The following PPME1 variants were observed in gnomAD, a reference collection of about 807,000 sequenced individuals.
PPME1 encodes protein phosphatase methylesterase 1.
A neutral mutation model predicts 56.9 loss-of-function variants in PPME1; 17 were observed. The observed-to-expected ratio is 0.30, with a 90% CI of 0.20 to 0.45. The LOEUF is 0.45. Ranked by LOEUF, PPME1 falls within the 20% of genes least tolerant of loss-of-function variation. The probability of loss-of-function intolerance (pLI) is 1.00; values close to 1 mark genes in which losing one functional copy is unlikely to be tolerated. For synonymous variants in PPME1, 122 were observed against 156.2 expected, an observed-to-expected ratio of 0.78 and a Z score of 1.63; for missense variants, 357 against 483.2, an observed-to-expected ratio of 0.74 and a Z score of 2.45.
At chr11:74,246,884 A>G (rs1859517378) in intron 10 of PPME1, among the ~76,000 whole-genome samples, 195 bp from the exon 11 acceptor site, 1 of 152,232 alleles carries the variant, frequency 6.6e-6, no homozygotes, top group Non-Finnish European at 1.5e-5. Flanking sequence ...CCTTGTTTTC[A>G]GAACCAGTTT....
intron 1 of PPME1, among the ~76,000 whole-genome samples, chr11:74,193,322 T>G (rs1357864956): frequency 1.3e-5 from 2 of 152,256 alleles, no homozygotes; most frequent in Admixed American, 6.5e-5. Context: ...TTACACAAAC[T>G]TTGTTTTGTG....
At chr11:74,236,862 T>TA (rs1396703469) in intron 8 of PPME1, among the ~76,000 whole-genome samples, 1 of 152,198 alleles carries the variant, frequency 6.6e-6, no homozygotes, top group African/African-American at 2.4e-5. Context: ...TTATTACACG[T>TA]AAAAAAATTG....
At chr11:74,241,053 A>G (rs1859343797) in intron 9 of PPME1, among the ~76,000 whole-genome samples, 1 of 152,180 alleles carries the variant, frequency 6.6e-6, no homozygotes, top group African/African-American at 2.4e-5. Context: ...TTTTTTTATA[A>G]GCCCAATTAT....
intron 3 of PPME1, among the ~76,000 whole-genome samples, chr11:74,218,438 G>C (rs997322635): frequency 2.0e-5 from 3 of 152,138 alleles, no homozygotes; most frequent in African/African-American, 7.2e-5. Flanking sequence ...ACCCAGAATA[G>C]CCAAAGCTAT....
chr11:74,253,915 G>T lies in PPME1; in HGVS notation c.*405G>T. ...CTTGAGATTGTCTTGGCATGGCCCA[G>T]CCCTGCCTCATGGGATGGACAATGC... On this transcript the variant is annotated 3_prime_UTR_variant, in exon 14 of 14. Transcript: ENST00000328257. 3.5e-6 allele frequency: 1 copy of T among 282,684 alleles called. No homozygotes were observed. The allele number at this position is 282,684 out of a possible 1,614,324, so 17.5% of individuals were successfully genotyped here.
intron 1 of PPME1, among the ~76,000 whole-genome samples, chr11:74,182,674 C>T (rs546050381): frequency 9.5e-4 from 144 of 152,278 alleles, no homozygotes; most frequent in African/African-American, 3.3e-3. Context: ...ACAATTCTAA[C>T]ATGGTTCTCA....
intron 11 of PPME1, chr11:74,248,599 TG>T (rs554388721): frequency 1.1e-3 from 175 of 152,332 alleles, no homozygotes; most frequent in African/African-American, 4.1e-3. Context: ...TGGGACTGTG[TG>T]ATTTTTTTTC....
At chr11:74,243,186 AT>A (rs1199702941) in intron 9 of PPME1, among the ~76,000 whole-genome samples, 1 of 151,934 alleles carries the variant, frequency 6.6e-6, no homozygotes, top group African/African-American at 2.4e-5. Context: ...CTTTATTACC[AT>A]TTTCACAGCA....
chr11:74,240,074 C>T (rs1299106433), intron 9 of PPME1, among the ~76,000 whole-genome samples: 1 of 150,574 alleles, frequency 6.6e-6, no homozygotes, highest in Non-Finnish European at 1.5e-5. Flanking sequence ...GCTGGGACTA[C>T]AGGTGCGTGC....
intron 9 of PPME1, among the ~76,000 whole-genome samples, chr11:74,242,955 A>G (rs1468540903): frequency 6.6e-6 from 1 of 151,882 alleles, no homozygotes; most frequent in East Asian, 1.9e-4. Flanking sequence ...GTGATTAGTT[A>G]AGAATGGCTT....
intron 9 of PPME1, 129 bp downstream of exon 9, chr11:74,239,385 A>T (rs1267388866): frequency 7.2e-7 from 1 of 1,381,694 alleles, no homozygotes; most frequent in East Asian, 2.5e-5. Context: ...AGACACTATC[A>T]TAAGAGATAC....
At chr11:74,239,973 T>C (rs1859313313) in intron 9 of PPME1, among the ~76,000 whole-genome samples, 1 of 151,078 alleles carries the variant, frequency 6.6e-6, no homozygotes, top group East Asian at 1.9e-4. Flanking sequence ...TTTTTTTTTT[T>C]TTTTCGTTTG....
chr11:74,211,452 A>G (rs997494839), intron 3 of PPME1, among the ~76,000 whole-genome samples: 1 of 152,232 alleles, frequency 6.6e-6, no homozygotes, highest in African/African-American at 2.4e-5. Context: ...AAGCCCATGT[A>G]TAAAAAGGAA....
At chr11:74,172,744 T>C (rs1228866937) in intron 1 of PPME1, among the ~76,000 whole-genome samples, 1 of 152,124 alleles carries the variant, frequency 6.6e-6, no homozygotes, top group Non-Finnish European at 1.5e-5. Flanking sequence ...TTAGTGACTG[T>C]AAAGAGAAAA....
intron 7 of PPME1, among the ~76,000 whole-genome samples, chr11:74,233,802 A>G (rs1859126165): frequency 6.6e-6 from 1 of 152,218 alleles, no homozygotes; most frequent in Non-Finnish European, 1.5e-5. Flanking sequence ...AGCCTGAACA[A>G]CAGAGTGAGA....
intron 3 of PPME1, among the ~76,000 whole-genome samples, chr11:74,219,332 CT>C (rs1858736633): frequency 7.1e-6 from 1 of 140,830 alleles, no homozygotes; most frequent in South Asian, 2.3e-4. Context: ...TTGTTGATTC[CT>C]TAAAAAAAAA....
intron 3 of PPME1, among the ~76,000 whole-genome samples, chr11:74,213,280 T>TTTGTCTTGTGAC (rs1241081248): frequency 6.6e-6 from 1 of 152,162 alleles, no homozygotes; most frequent in East Asian, 1.9e-4. Flanking sequence ...TAGGAAGGAC[T>TTTGTCTTGTGAC]TTGTCTTGTG....
intron 3 of PPME1, among the ~76,000 whole-genome samples, chr11:74,217,300 G>A (rs1353463445): frequency 1.3e-5 from 2 of 152,134 alleles, no homozygotes; most frequent in Non-Finnish European, 2.9e-5. Flanking sequence ...CCAGCACTTT[G>A]AGAGGCTGAG....
At chr11:74,244,306 A>T (rs1410197010) in intron 9 of PPME1, among the ~76,000 whole-genome samples, 1 of 152,212 alleles carries the variant, frequency 6.6e-6, no homozygotes, top group Non-Finnish European at 1.5e-5. Context: ...TTCCTGGATC[A>T]TACAGTAGTT....
Sources: allele counts gnomAD v4.1 joint callset (sites outside exome capture counted in the v4.1 genomes callset), GRCh38; gene constraint gnomAD v4.1.1; transcripts MANE v1.5; gene names NCBI Gene and HGNC (gene_info 2026-07-23, HGNC 2026-07-21).